Variants in C1orf185 observed in about 807,000 individuals in gnomAD.
C1orf185 encodes chromosome 1 open reading frame 185, also known as uncharacterized protein C1orf185.
In C1orf185, 13 loss-of-function variants were observed where a neutral mutation model predicts 16.1. The ratio of observed to expected loss-of-function variants is 0.81; its 90% CI spans 0.53 to 1.28. C1orf185 has a LOEUF of 1.28. Among genes scored for constraint, C1orf185 ranks in the 50% most tolerant of loss-of-function variants. The probability of loss-of-function intolerance (pLI) is 0.00; values close to 1 mark genes in which losing one functional copy is unlikely to be tolerated. For synonymous variants in C1orf185, 80 were observed against 76.9 expected (o/e 1.04, Z -0.21); for missense variants, 220 against 225.2 (o/e 0.98, Z 0.15).
intron 3 of C1orf185, among the ~76,000 whole-genome samples, chr1:51,133,123 C>T (rs1238739910): frequency 1.3e-5 from 2 of 152,100 alleles, no homozygotes; most frequent in Admixed American, 6.6e-5. Context: ...GTATACGGAC[C>T]AGTGACACTA....
chr1:51,136,237 A>G (rs1646322626), intron 3 of C1orf185, among the ~76,000 whole-genome samples: 1 of 152,200 alleles, frequency 6.6e-6, no homozygotes. Flanking sequence ...ACTGCCCAAA[A>G]CAATTTATAG....
At chr1:51,123,946 T>TACACAC (rs369268032) in intron 3 of C1orf185, among the ~76,000 whole-genome samples, 2 of 149,210 alleles carry the variant, frequency 1.3e-5, no homozygotes, top group Non-Finnish European at 3.0e-5. Flanking sequence ...TGTATATATA[T>TACACAC]ACACACACAC....
intron 3 of C1orf185, among the ~76,000 whole-genome samples, chr1:51,127,779 T>C (rs1433641698): frequency 6.6e-6 from 1 of 152,174 alleles, no homozygotes; most frequent in Non-Finnish European, 1.5e-5. Context: ...TGCATTCTCT[T>C]GTTGACGGAT....
chr1:51,144,699 T>A (rs1356233866), intron 3 of C1orf185, among the ~76,000 whole-genome samples: 1 of 151,866 alleles, frequency 6.6e-6, no homozygotes, highest in Non-Finnish European at 1.5e-5. Flanking sequence ...GGTGACAGAA[T>A]GAGACCCTGT....
intron 1 of C1orf185, among the ~76,000 whole-genome samples, chr1:51,108,587 A>G (rs1488474220): frequency 1.3e-5 from 2 of 150,618 alleles, no homozygotes; most frequent in African/African-American, 4.9e-5. Flanking sequence ...CCCTTCCCCC[A>G]CTCCCTTCCC....
chr1:51,131,576 C>T (rs1015810987), intron 3 of C1orf185, among the ~76,000 whole-genome samples: 5 of 151,186 alleles, frequency 3.3e-5, no homozygotes, highest in African/African-American at 7.3e-5. Context: ...GAGTTTGAGA[C>T]CAGCCTGGGC....
chr1:51,109,834 A>G (rs1438251435), intron 1 of C1orf185, among the ~76,000 whole-genome samples: 6 of 152,038 alleles, frequency 3.9e-5, no homozygotes, highest in South Asian at 2.1e-4. Flanking sequence ...TGATACCTCC[A>G]ACTTTTTTTT....
intron 2 of C1orf185, among the ~76,000 whole-genome samples, chr1:51,116,018 G>A (rs918434724): frequency 1.3e-5 from 2 of 152,058 alleles, no homozygotes; most frequent in African/African-American, 4.8e-5. Context: ...ATGATGAAAG[G>A]GAGGAGCAAT....
intron 3 of C1orf185, among the ~76,000 whole-genome samples, chr1:51,123,176 C>T (rs1404012394): frequency 1.3e-5 from 2 of 152,170 alleles, no homozygotes; most frequent in Non-Finnish European, 2.9e-5. Flanking sequence ...ACTAGTCCCA[C>T]TCCTGTGATA....
intron 1 of C1orf185, among the ~76,000 whole-genome samples, chr1:51,111,283 G>A (rs539305365): frequency 5.9e-5 from 9 of 151,272 alleles, no homozygotes; most frequent in African/African-American, 2.2e-4. Context: ...AAAATAAAGG[G>A]TAATATCATA....
chr1:51,123,985 G>T (rs768502380), intron 3 of C1orf185, among the ~76,000 whole-genome samples: 75 of 150,920 alleles, frequency 5.0e-4, no homozygotes, highest in Middle Eastern at 3.5e-3. Flanking sequence ...TATATATAGA[G>T]AGAGAGAGCG....
intron 3 of C1orf185, among the ~76,000 whole-genome samples, chr1:51,133,351 A>T (rs930440922): frequency 6.6e-6 from 1 of 152,258 alleles, no homozygotes; most frequent in South Asian, 2.1e-4. Flanking sequence ...AAATAAAGGA[A>T]TGATGAAAAA....
chr1:51,118,931 T>G, intron 3 of C1orf185, 130 bp downstream of exon 3: 4 of 677,568 alleles, frequency 5.9e-6, no homozygotes, highest in Non-Finnish European at 8.7e-6. Flanking sequence ...ACAAACTAGT[T>G]AGAGTTTATA....
chr1:51,108,575 C>T (rs1180889674), intron 1 of C1orf185, among the ~76,000 whole-genome samples: 1 of 152,104 alleles, frequency 6.6e-6, no homozygotes, highest in Admixed American at 6.6e-5. Context: ...TCTCATCATC[C>T]TCCCTTCCCC....
At chr1:51,113,693 C>T (rs1284534603) in intron 2 of C1orf185, among the ~76,000 whole-genome samples, 1 of 151,932 alleles carries the variant, frequency 6.6e-6, no homozygotes, top group Non-Finnish European at 1.5e-5. Context: ...CTCAAAAATA[C>T]ATACATACAT....
At chr1:51,138,691 C>T (rs959150231) in intron 3 of C1orf185, among the ~76,000 whole-genome samples, 4 of 142,240 alleles carry the variant, frequency 2.8e-5, no homozygotes, top group African/African-American at 1.0e-4. Context: ...CGTGCTGGCC[C>T]AGAATTTTTT....
At chr1:51,143,321 A>G (rs1418994868) in intron 3 of C1orf185, among the ~76,000 whole-genome samples, 2 of 152,128 alleles carry the variant, frequency 1.3e-5, no homozygotes, top group African/African-American at 2.4e-5. Flanking sequence ...TGCCATTCCC[A>G]TCCACAATTG....
chr1:51,141,744 A>G (rs1025676446), intron 3 of C1orf185, among the ~76,000 whole-genome samples: 9 of 152,332 alleles, frequency 5.9e-5, no homozygotes, highest in Admixed American at 4.6e-4. Context: ...CAGTGTACAT[A>G]CTAAGAATGA....
chr1:51,127,034 C>T (rs993867936), intron 3 of C1orf185, among the ~76,000 whole-genome samples: 5 of 151,564 alleles, frequency 3.3e-5, no homozygotes, highest in African/African-American at 9.7e-5. Flanking sequence ...GGGAAGAATA[C>T]CACTGAAGTG....
Sources: gnomAD v4.1 joint callset for allele counts (sites outside exome capture counted in the v4.1 genomes callset) on GRCh38, gnomAD v4.1.1 for gene constraint, MANE v1.5 for transcripts, NCBI Gene and HGNC (gene_info 2026-07-23, HGNC 2026-07-21) for gene names.